MITD1: variants seen among roughly 807,000 people sequenced by gnomAD.
MITD1 encodes the protein MIT domain-containing protein 1.
MITD1 carries 24 observed loss-of-function variants against 34.9 expected under a neutral mutation model. The observed-to-expected ratio is 0.69, with a 90% CI of 0.50 to 0.97. MITD1 has a LOEUF of 0.97. MITD1 is among the 50% of genes least tolerant of loss of function. The pLI is 0.00. For missense variants in MITD1, 266 were observed against 294.6 expected (o/e 0.90, Z 0.71); for synonymous variants, 102 against 101.4 (o/e 1.01, Z -0.04).
downstream of MITD1, among the ~76,000 whole-genome samples, chr2:99,165,476 G>A (rs188636092): frequency 6.6e-6 from 1 of 152,228 alleles, no homozygotes; most frequent in East Asian, 1.9e-4. Flanking sequence ...ATGTTTGTGT[G>A]CTTCTGAGAT....
rs1264538947 is a variant in MITD1 at position 99,173,926 on chromosome 2, T to G, written c.242A>C (p.Gln81Pro). 6.2e-7 allele frequency: 1 copy of G among 1,602,784 alleles called. No individual in the cohort carries two copies. Among genetic ancestry groups the G allele is most frequent in the South Asian group, 1.1e-5 (1 of 90,264 alleles). The change falls in exon 2 of 7, where the codon CAA (glutamine) becomes CCA (proline). Residue 81 changes from glutamine (Q) to proline (P), a missense_variant. Coordinates refer to ENST00000289359, the MANE Select transcript of MITD1 (RefSeq NM_138798.3). ...AACAACCTCTTTACCTTCTTTTTCTTGGTCCAAGTACTTCTTTATGTTTTC... is the reference window on the plus strand; with the variant it reads ...AACAACCTCTTTACCTTCTTTTTCTGGGTCCAAGTACTTCTTTATGTTTTC... ...RAENIKKYLD[Q>P]EKEDGKYHKQ...
downstream of MITD1, chr2:99,169,189 T>C (rs2093841229): frequency 2.0e-5 from 8 of 409,606 alleles, no homozygotes; most frequent in Admixed American, 1.7e-4. Flanking sequence ...GAAAGAAACA[T>C]TGTAAATCTG....
chr2:99,180,730 G>A (rs1217841867), intron 1 of MITD1, 101 bp downstream of exon 1: 54 of 1,009,336 alleles, frequency 5.4e-5, no homozygotes, highest in Non-Finnish European at 9.1e-6. Flanking sequence ...CTGCTTCTTC[G>A]TGGTGTGGAA....
At chr2:99,173,801 C>A in intron 2 of MITD1, 114 bp downstream of exon 2, 1 of 702,610 alleles carries the variant, frequency 1.4e-6, no homozygotes, top group Non-Finnish European at 2.5e-6. Context: ...CTGTAAGCTC[C>A]CAGGGACAAC....
chr2:99,171,985 C>T (rs944254379), intron 2 of MITD1: 1 of 194,406 alleles, frequency 5.1e-6, no homozygotes, highest in Non-Finnish European at 1.1e-5. Context: ...TCCAATAACT[C>T]CCTGTCGCCA....
downstream of MITD1, among the ~76,000 whole-genome samples, chr2:99,168,025 T>C (rs1375537921): frequency 2.0e-5 from 3 of 152,224 alleles, no homozygotes; most frequent in Non-Finnish European, 4.4e-5. Context: ...CTCTACACTG[T>C]TTTAACTCTG....
downstream of MITD1, among the ~76,000 whole-genome samples, chr2:99,165,430 A>G (rs1035415395): frequency 3.3e-4 from 50 of 152,100 alleles, no homozygotes; most frequent in Non-Finnish European, 8.8e-5. Flanking sequence ...AGGGCAGTGT[A>G]TATCAAAAGT....
At chr2:99,180,456 TC>T (rs2093911458) in intron 1 of MITD1, among the ~76,000 whole-genome samples, 1 of 152,118 alleles carries the variant, frequency 6.6e-6, no homozygotes, top group Admixed American at 6.5e-5. Context: ...GGAAAAAAAA[TC>T]ATATTGCCTA....
At position 99,176,657 on chromosome 2, in the gene MITD1, GGTGT is replaced by G. The variant is rs573349485; in HGVS notation, c.152-2645_152-2642del. 4.8e-3 allele frequency among the ~76,000 whole-genome samples: 722 copies of G among 150,512 alleles called. 9 individuals carry two copies. The highest frequency in any genetic ancestry group is 0.017 in the African/African-American group (686 of 41,134). On this transcript the variant is annotated intron_variant, in intron 1 of 6. Coordinates refer to ENST00000289359, the MANE Select transcript of MITD1 (RefSeq NM_138798.3). ...TAAACTTTCTTAAAACATTATGAGG[GGTGT>G]GTGTATGTGTGCGTGTGTGTGTGCG...
At chr2:99,162,614 T>A (rs1353302636) in intron 7 of MITD1, 2 of 1,614,096 alleles carry the variant, frequency 1.2e-6, no homozygotes. Context: ...TGGAAAAGGA[T>A]CCCACTCTGA....
intron 4 of MITD1, 37 bp downstream of exon 4, chr2:99,171,306 A>C (rs1291600683): frequency 6.9e-7 from 1 of 1,457,936 alleles, no homozygotes; most frequent in Admixed American, 1.7e-5. Context: ...AACTGAATAA[A>C]GTTAATAAGA....
At chr2:99,169,209 A>G (rs1390122088), downstream of MITD1, 10 of 481,226 alleles carry the variant, frequency 2.1e-5, no homozygotes, top group Non-Finnish European at 3.7e-5. Context: ...GCTGAGTAAT[A>G]TATTTACAAA....
Position 99,169,567 on chromosome 2 carries a change from A to G in MITD1, c.637T>C (p.Tyr213His). 6.2e-7 allele frequency: 1 copy of G among 1,609,816 alleles called. No individual in the cohort carries two copies. Among genetic ancestry groups the G allele is most frequent in the Non-Finnish European group, 8.5e-7 (1 of 1,176,210 alleles). Residue 213 changes from tyrosine to histidine, a missense_variant, in exon 6 of 7, where the codon TAT becomes CAT. Coordinates refer to ENST00000289359, the MANE Select transcript of MITD1 (RefSeq NM_138798.3). ...WMIKIGRGLD[Y>H]FKKPQSRFSL... ...TATCCTACCTGTGGTTTCTTAAAAT[A>G]ATCAAGTCCCCTTCCAATCTTAATC...
At chr2:99,176,427 G>A (rs2093886782) in intron 1 of MITD1, among the ~76,000 whole-genome samples, 1 of 151,702 alleles carries the variant, frequency 6.6e-6, no homozygotes, top group South Asian at 2.1e-4. Flanking sequence ...CCAGGTTCAA[G>A]CGATTCTCCT....
downstream of MITD1, among the ~76,000 whole-genome samples, chr2:99,165,734 C>T (rs562212752): frequency 1.7e-4 from 26 of 152,284 alleles, 1 homozygote; most frequent in South Asian, 3.7e-3. Flanking sequence ...GTTTACTATA[C>T]TCTTTGCTGG....
intron 1 of MITD1, among the ~76,000 whole-genome samples, chr2:99,175,483 G>C (rs12621007): frequency 0.57 from 86,823 of 152,102 alleles, 25,908 homozygotes; most frequent in East Asian, 0.88. Flanking sequence ...GAAGTGATGT[G>C]CCTTGCTCAG....
intron 2 of MITD1, chr2:99,173,538 TA>T: frequency 2.1e-6 from 1 of 466,462 alleles, no homozygotes. Flanking sequence ...AAGGGAAATA[TA>T]AATAAAATAC....
chr2:99,162,869 T>C, intron 7 of MITD1: 1 of 1,612,752 alleles, frequency 6.2e-7, no homozygotes, highest in Non-Finnish European at 8.5e-7. Context: ...ACATAAAGAA[T>C]GGAAGAATTG....
In MITD1 at chr2:99,180,995, C is replaced by T. The variant is rs754469399; in HGVS notation, c.-14G>A. The T allele has an allele frequency of 4.3e-6, 7 of 1,610,904 alleles. No individual in the cohort carries two copies. In the Admixed American group the frequency reaches 8.4e-5, roughly 19 times the overall value. On this transcript the variant is annotated 5_prime_UTR_variant, in exon 1 of 7. Coordinates refer to ENST00000289359, the MANE Select transcript of MITD1 (RefSeq NM_138798.3). Reference sequence around the variant, plus strand: ...GGACTTCGCCATAATTCTGGAAGTTCTCCTCCGCCTCAACCCAGGATGAAG... The same window carrying T: ...GGACTTCGCCATAATTCTGGAAGTTTTCCTCCGCCTCAACCCAGGATGAAG...
Sources: allele counts gnomAD v4.1 joint callset (sites outside exome capture counted in the v4.1 genomes callset), GRCh38; gene constraint gnomAD v4.1.1; transcripts MANE v1.5; gene names NCBI Gene and HGNC (gene_info 2026-07-23, HGNC 2026-07-21).